The following PCA3 variants were observed in gnomAD, a reference collection of about 807,000 sequenced individuals.
PCA3 encodes the protein prostate cancer associated 3, also known as Differential Display code 3.
chr9:76,769,491 C>T (rs1417808829), intron 2 of PCA3, among the ~76,000 whole-genome samples: 3 of 115,412 alleles, frequency 2.6e-5, no homozygotes, highest in African/African-American at 6.9e-5. Context: ...GGCACAATCT[C>T]GGCTCGTCGT....
At chr9:76,767,816 A>G (rs967544341) in intron 2 of PCA3, among the ~76,000 whole-genome samples, 27 of 152,316 alleles carry the variant, frequency 1.8e-4, no homozygotes, top group African/African-American at 6.3e-4. Flanking sequence ...CCTATCTTCT[A>G]TCCGAACACT....
chr9:76,772,556 G>A (rs57406161), intron 2 of PCA3, among the ~76,000 whole-genome samples: 8,835 of 152,074 alleles, frequency 0.058, 279 homozygotes, highest in East Asian at 0.087. Context: ...TTGTGAACAT[G>A]GTAAATTATT....
chr9:76,784,126 G>A (rs1410870767), intron 2 of PCA3: 23 of 152,222 alleles, frequency 1.5e-4, no homozygotes, highest in Admixed American at 1.5e-3. Flanking sequence ...ATCCCTGGGA[G>A]AAATGCCCGG....
chr9:76,771,650 C>T (rs1486491575), intron 2 of PCA3, among the ~76,000 whole-genome samples: 1 of 152,156 alleles, frequency 6.6e-6, no homozygotes. Context: ...CAGTTGTACA[C>T]ATTGAGTAAA....
chr9:76,774,686 C>T (rs936151274), intron 2 of PCA3, among the ~76,000 whole-genome samples: 3 of 151,776 alleles, frequency 2.0e-5, no homozygotes, highest in Middle Eastern at 3.4e-3. Context: ...CTCGAATTCC[C>T]GACCTCAGGT....
chr9:76,775,140 CG>C (rs1195879774), intron 2 of PCA3, among the ~76,000 whole-genome samples: 2 of 152,016 alleles, frequency 1.3e-5, no homozygotes, highest in East Asian at 1.9e-4. Context: ...TTTATTTGGT[CG>C]GGGGGAAAGA....
chr9:76,781,693 A>G (rs965347572), intron 2 of PCA3, among the ~76,000 whole-genome samples: 11 of 152,150 alleles, frequency 7.2e-5, no homozygotes, highest in African/African-American at 2.7e-4. Context: ...TCCTGACTAA[A>G]CTGAAAGCTC....
chr9:76,769,402 A>G (rs917813346), intron 2 of PCA3, among the ~76,000 whole-genome samples: 2 of 152,186 alleles, frequency 1.3e-5, no homozygotes, highest in African/African-American at 4.8e-5. Flanking sequence ...ATTGATGGAC[A>G]TTAAGGTTGC....
chr9:76,778,460 T>C (rs1431737513), intron 2 of PCA3: 1 of 152,232 alleles, frequency 6.6e-6, no homozygotes. Context: ...ACTTTCAAAC[T>C]GGGGCACTAC....
At chr9:76,767,660 G>A (rs965255044) in intron 2 of PCA3, among the ~76,000 whole-genome samples, 5 of 152,000 alleles carry the variant, frequency 3.3e-5, no homozygotes, top group East Asian at 1.9e-4. Flanking sequence ...CCCCTAACAG[G>A]AGGCACCTTA....
chr9:76,779,493 T>C (rs2054147683), intron 2 of PCA3, among the ~76,000 whole-genome samples: 1 of 152,248 alleles, frequency 6.6e-6, no homozygotes, highest in African/African-American at 2.4e-5. Flanking sequence ...CAACATCTAG[T>C]CACTTTAGCT....
At chr9:76,774,450 C>CTTTTTTTATTTATTTATTTA (rs1564272256) in intron 2 of PCA3, among the ~76,000 whole-genome samples, 24 of 41,390 alleles carry the variant, frequency 5.8e-4, no homozygotes, top group East Asian at 5.2e-3. Flanking sequence ...CAGTTCAACC[C>CTTTTTTTATTTATTTATTTA]TTTTTTTTTT....
chr9:76,776,840 T>C lies in PCA3; in HGVS notation n.853-31743T>C, dbSNP rs142575486. On this transcript the variant is annotated intron_variant and non_coding_transcript_variant, in intron 2 of 5. Transcript: ENST00000644657. ...CAGCAGTTTTTTTTTTTTTTGTATG[T>C]TTGAAGATACATGAAGCTTTCTCTT... Among the ~76,000 whole-genome samples, 410 of 149,978 alleles carry C rather than the reference T, an allele frequency of 2.7e-3. 5 individuals carry two copies. Among genetic ancestry groups the C allele is most frequent in the African/African-American group, 9.9e-3 (402 of 40,546 alleles).
At chr9:76,783,721 G>A (rs1273954306) in intron 2 of PCA3, 1 of 152,114 alleles carries the variant, frequency 6.6e-6, no homozygotes, top group Non-Finnish European at 1.5e-5. Context: ...AATAAGAAAG[G>A]CTGCTGACTT....
chr9:76,779,045 T>A (rs1440918440), intron 2 of PCA3: 1 of 152,240 alleles, frequency 6.6e-6, no homozygotes, highest in African/African-American at 2.4e-5. Flanking sequence ...CCAGTGATTT[T>A]TTTATCTCAC....
At chr9:76,780,001 T>C (rs2054197276) in intron 2 of PCA3, 1 of 152,224 alleles carries the variant, frequency 6.6e-6, no homozygotes, top group African/African-American at 2.4e-5. Flanking sequence ...TCGTAACTAG[T>C]AAAATCCATC....
rs1491356086 is a variant in PCA3, at chr9:76,768,623, G to GTGTGTA, written n.852+32009_852+32010insGTGTAT. Among the ~76,000 whole-genome samples the GTGTGTA allele has an allele frequency of 3.3e-3, 426 of 130,188 alleles. 1 individual carries two copies. The highest frequency in any genetic ancestry group is 0.012 in the African/African-American group (414 of 35,972). The allele number at this position is 130,188 out of a possible 152,430, so 85.4% of individuals were successfully genotyped here. On this transcript the variant is annotated intron_variant and non_coding_transcript_variant, in intron 2 of 5. Transcript: ENST00000644657. ...TGTGTGTGTGTGTGTGTGTGTGTGT[G>GTGTGTA]TATATCCCTGCTGACTAGATCATCA...
intron 2 of PCA3, chr9:76,784,802 A>C (rs543336373): frequency 6.6e-6 from 1 of 152,530 alleles, no homozygotes; most frequent in African/African-American, 2.4e-5. Flanking sequence ...TACGGAGTGA[A>C]TTATCTAATC....
chr9:76,770,038 T>A (rs542957912), intron 2 of PCA3, among the ~76,000 whole-genome samples: 43 of 152,350 alleles, frequency 2.8e-4, no homozygotes, highest in African/African-American at 8.9e-4. Context: ...CATCATAACC[T>A]AATGCAGATA....
Sources: gnomAD v4.1 joint callset for allele counts (sites outside exome capture counted in the v4.1 genomes callset) on GRCh38, gnomAD v4.1.1 for gene constraint, MANE v1.5 for transcripts, NCBI Gene and HGNC (gene_info 2026-07-23, HGNC 2026-07-21) for gene names.